Variants in KDM4B observed in about 807,000 individuals in gnomAD.
The protein encoded by KDM4B is lysine-specific demethylase 4B.
KDM4B carries 32 observed loss-of-function variants against 125.2 expected under a neutral mutation model. The ratio of observed to expected loss-of-function variants is 0.26; its 90% CI spans 0.19 to 0.34. KDM4B has a LOEUF of 0.34. KDM4B is among the 10% of genes least tolerant of loss of function. The probability of loss-of-function intolerance (pLI) is 1.00; values close to 1 mark genes in which losing one functional copy is unlikely to be tolerated. For missense variants in KDM4B, 1,190 were observed against 1,577.7 expected (o/e 0.75, Z 4.16); for synonymous variants, 721 against 677.9 (o/e 1.06, Z -0.99).
At chr19:4,984,959 T>A (rs990702841) in intron 1 of KDM4B, among the ~76,000 whole-genome samples, 2 of 152,206 alleles carry the variant, frequency 1.3e-5, no homozygotes, top group African/African-American at 4.8e-5. Flanking sequence ...TGGGTCACAG[T>A]GGGTGTTACC....
chr19:5,130,404 G>C (rs2039521132), intron 11 of KDM4B, among the ~76,000 whole-genome samples: 3 of 151,960 alleles, frequency 2.0e-5, no homozygotes, highest in Non-Finnish European at 4.4e-5. Flanking sequence ...AAACACATGA[G>C]TCAACTGTCC....
chr19:5,082,568 C>T lies in KDM4B; in HGVS notation c.918+64C>T, dbSNP rs2038334381. 1.3e-6 allele frequency: 2 copies of T among 1,503,598 alleles called. No homozygotes were observed. Among genetic ancestry groups the T allele is most frequent in the East Asian group, 2.3e-5 (1 of 43,686 alleles). The allele number at this position is 1,503,598 out of a possible 1,614,324, so 93.1% of individuals were successfully genotyped here. ...GGGAGGAGGCTCTTTTTTGCCTCTG[C>T]AGCCACACGCCCATAGCTGGTCCAG... On this transcript the variant is annotated intron_variant, in intron 9 of 22. Transcript: ENST00000159111. This position sits in a 1 kb window ranked among gnomAD's most constrained non-coding sequence, Gnocchi z 5.4.
chr19:4,986,960 T>A (rs560244937), intron 1 of KDM4B, among the ~76,000 whole-genome samples: 19 of 151,864 alleles, frequency 1.3e-4, no homozygotes, highest in Middle Eastern at 3.4e-3. Flanking sequence ...TATTTTATTT[T>A]ATTTTTTTTT....
intron 7 of KDM4B, chr19:5,074,880 C>G (rs2038054898): frequency 6.6e-6 from 1 of 152,462 alleles, no homozygotes; most frequent in Non-Finnish European, 1.5e-5. Context: ...TAGAAGGGCC[C>G]TCGGGCTGGC....
At chr19:5,014,883 T>A in intron 1 of KDM4B, among the ~76,000 whole-genome samples, 1 of 151,600 alleles carries the variant, frequency 6.6e-6, no homozygotes, top group East Asian at 2.0e-4. Flanking sequence ...TAGTCCCAGC[T>A]ATTCGGGAGG....
In KDM4B at chr19:4,978,069, G is replaced by C. The variant is rs568625171; in HGVS notation, c.-109+8839G>C. Among the ~76,000 whole-genome samples, 333 of 152,316 alleles carry C rather than the reference G, an allele frequency of 2.2e-3. 2 individuals are homozygous for C. Among genetic ancestry groups the C allele is most frequent in the Non-Finnish European group, 2.7e-3 (183 of 68,024 alleles). ...CGCGTGGATCTGATTGTCTTGCTCA[G>C]GAGAGAGAGAAGATTGCCGTCCCTA... On this transcript the variant is annotated intron_variant, in intron 1 of 22. Coordinates refer to ENST00000159111, the MANE Select transcript of KDM4B (RefSeq NM_015015.3).
chr19:5,137,200 T>G, intron 15 of KDM4B, 62 bp from the exon 16 acceptor site: 1 of 1,309,790 alleles, frequency 7.6e-7, no homozygotes, highest in Non-Finnish European at 1.1e-6. Context: ...CCCCTGAGTT[T>G]CACTCGGCTC....
intron 1 of KDM4B, among the ~76,000 whole-genome samples, chr19:4,992,879 C>A (rs1353066690): frequency 1.3e-5 from 2 of 152,050 alleles, no homozygotes; most frequent in African/African-American, 4.8e-5. Flanking sequence ...CTTGTGAATC[C>A]CCAAATTACT....
At chr19:5,060,489 C>A (rs962120677) in intron 6 of KDM4B, among the ~76,000 whole-genome samples, 1 of 145,674 alleles carries the variant, frequency 6.9e-6, no homozygotes, top group Non-Finnish European at 1.5e-5. Context: ...TCTCCAGCTG[C>A]AGTCCCTGTC....
intron 7 of KDM4B, 150 bp from the exon 8 acceptor site, chr19:5,077,217 G>A: frequency 2.9e-6 from 2 of 688,086 alleles, no homozygotes; most frequent in Non-Finnish European, 5.1e-6. Context: ...CTGGGGCCCT[G>A]AGAACCAAGG....
At chr19:4,995,339 G>C (rs1344164550) in intron 1 of KDM4B, among the ~76,000 whole-genome samples, 1 of 151,782 alleles carries the variant, frequency 6.6e-6, no homozygotes, top group Non-Finnish European at 1.5e-5. Flanking sequence ...TTTTGAGATG[G>C]ATTCTTACTC....
At chr19:5,060,902 A>G (rs2037574019) in intron 6 of KDM4B, among the ~76,000 whole-genome samples, 1 of 152,202 alleles carries the variant, frequency 6.6e-6, no homozygotes, top group Admixed American at 6.5e-5. Context: ...TCATATAATA[A>G]AAGTAATTTG....
chr19:4,977,362 C>T (rs565349287), intron 1 of KDM4B, among the ~76,000 whole-genome samples: 12 of 152,232 alleles, frequency 7.9e-5, no homozygotes, highest in Non-Finnish European at 1.0e-4. Flanking sequence ...CAGTCACTCA[C>T]GCAGACCTGG....
intron 1 of KDM4B, among the ~76,000 whole-genome samples, chr19:4,999,877 G>A (rs183285570): frequency 6.0e-5 from 2 of 33,114 alleles, no homozygotes; most frequent in African/African-American, 1.1e-4. Flanking sequence ...ATCCACCCAC[G>A]CATCCACCCA....
chr19:5,000,003 A>AT (rs2035326729), intron 1 of KDM4B, among the ~76,000 whole-genome samples: 1 of 38,856 alleles, frequency 2.6e-5, no homozygotes, highest in South Asian at 9.4e-4. Context: ...CCACCCACCC[A>AT]CCAACCTATC....
chr19:5,125,105 G>T (rs1485307862), intron 11 of KDM4B, among the ~76,000 whole-genome samples: 1 of 149,710 alleles, frequency 6.7e-6, no homozygotes, highest in Non-Finnish European at 1.5e-5. Flanking sequence ...TCGCTATGTT[G>T]CCCAAGCTGC....
At chr19:5,042,761 G>A (rs1046427370) in intron 5 of KDM4B, among the ~76,000 whole-genome samples, 1 of 151,350 alleles carries the variant, frequency 6.6e-6, no homozygotes, top group Non-Finnish European at 1.5e-5. Context: ...CGGGGATGGC[G>A]CTGAACCATT....
chr19:5,090,579 C>A (rs1454134573), intron 9 of KDM4B, among the ~76,000 whole-genome samples: 2 of 43,964 alleles, frequency 4.5e-5, no homozygotes, highest in Admixed American at 3.7e-4. Context: ...TGCTCTCTCC[C>A]CCTCTCCCCC....
chr19:5,037,856 C>T (rs1351281829), intron 3 of KDM4B, among the ~76,000 whole-genome samples: 1 of 152,264 alleles, frequency 6.6e-6, no homozygotes, highest in Non-Finnish European at 1.5e-5. Context: ...GCTGCTGCTG[C>T]TGTTACTGCT....
Sources: gnomAD v4.1 joint callset for allele counts (sites outside exome capture counted in the v4.1 genomes callset) on GRCh38, gnomAD v4.1.1 for gene constraint, Gnocchi (gnomAD v3.1) non-coding constraint, MANE v1.5 for transcripts, NCBI Gene and HGNC (gene_info 2026-07-23, HGNC 2026-07-21) for gene names.